Variants in SH3GL2 observed in about 807,000 individuals in gnomAD.
The protein encoded by SH3GL2 is endophilin-A1.
In SH3GL2, 24 loss-of-function variants were observed where a neutral mutation model predicts 46.0. The ratio of observed to expected loss-of-function variants is 0.52; its 90% confidence interval spans 0.38 to 0.73. SH3GL2 has a LOEUF of 0.73. Ranked by LOEUF, SH3GL2 falls within the 30% of genes least tolerant of loss-of-function variation. SH3GL2 has a pLI of 0.00. For synonymous variants in SH3GL2, 196 were observed against 147.1 expected (o/e 1.33, Z -2.40); for missense variants, 413 against 424.2 (o/e 0.97, Z 0.23).
chr9:17,599,716 C>A (rs1485430060), intron 1 of SH3GL2, among the ~76,000 whole-genome samples: 1 of 152,094 alleles, frequency 6.6e-6, no homozygotes, highest in Non-Finnish European at 1.5e-5. Flanking sequence ...GTAGCATGAA[C>A]CCATATGTAA....
chr9:17,698,423 A>G (rs1821262298), intron 1 of SH3GL2, among the ~76,000 whole-genome samples: 1 of 152,208 alleles, frequency 6.6e-6, no homozygotes, highest in South Asian at 2.1e-4. Context: ...ATATCTCGGT[A>G]TCTGGCATGT....
intron 1 of SH3GL2, among the ~76,000 whole-genome samples, chr9:17,746,747 T>C (rs1822699821): frequency 6.6e-6 from 1 of 152,202 alleles, no homozygotes; most frequent in African/African-American, 2.4e-5. Flanking sequence ...GATGCTGTTG[T>C]CCCTTAGAAC....
At chr9:17,612,726 G>C (rs1024070863) in intron 1 of SH3GL2, among the ~76,000 whole-genome samples, 1 of 152,136 alleles carries the variant, frequency 6.6e-6, no homozygotes, top group African/African-American at 2.4e-5. Context: ...CCACTTATTG[G>C]TTTTAAGTGT....
At position 17,747,113 on chromosome 9, in the gene SH3GL2, T is replaced by C; in HGVS notation, c.93T>C (p.Asp31=). The change falls in exon 2 of 9, where the codon GAT becomes GAC. Residue 31 remains aspartate, a synonymous_variant. Transcript: ENST00000380607. ...VGGAEGTKLD[D]DFKEMERKVD... is the part of the protein sequence containing the mutation. Reference sequence around the variant, plus strand: ...GAGCTGAAGGAACCAAGCTAGATGATGACTTCAAAGAGATGGAAAGGGTAA... The same window carrying C: ...GAGCTGAAGGAACCAAGCTAGATGACGACTTCAAAGAGATGGAAAGGGTAA... 2 of 1,609,338 alleles carry C rather than the reference T, an allele frequency of 1.2e-6. No individual in the cohort carries two copies. The highest frequency in any genetic ancestry group is 1.7e-5 in the Admixed American group (1 of 59,976).
chr9:17,582,991 G>A (rs995496417), intron 1 of SH3GL2, among the ~76,000 whole-genome samples: 1 of 152,148 alleles, frequency 6.6e-6, no homozygotes, highest in Non-Finnish European at 1.5e-5. Context: ...ACTCCAGTAT[G>A]ATTTTATCTT....
intron 2 of SH3GL2, among the ~76,000 whole-genome samples, chr9:17,751,862 G>A (rs948095264): frequency 6.6e-6 from 1 of 152,088 alleles, no homozygotes; most frequent in Non-Finnish European, 1.5e-5. Flanking sequence ...CACCCCCCCG[G>A]TGTGGGGATG....
At chr9:17,622,986 G>GTTTCGTTTCCTTTCCTTTCCTTTCC (rs1819181801) in intron 1 of SH3GL2, among the ~76,000 whole-genome samples, 1 of 99,352 alleles carries the variant, frequency 1.0e-5, no homozygotes, top group Non-Finnish European at 2.0e-5. Context: ...GTTTCCTTTC[G>GTTTCGTTTCCTTTCCTTTCCTTTCC]TTTCCTTTCC....
intron 1 of SH3GL2, among the ~76,000 whole-genome samples, chr9:17,667,600 A>G (rs1820378437): frequency 6.6e-6 from 1 of 152,214 alleles, no homozygotes; most frequent in South Asian, 2.1e-4. Context: ...TTTGGCTATT[A>G]AGAATGATGC....
At chr9:17,732,780 C>T (rs1822218228) in intron 1 of SH3GL2, among the ~76,000 whole-genome samples, 1 of 152,012 alleles carries the variant, frequency 6.6e-6, no homozygotes, top group South Asian at 2.1e-4. Flanking sequence ...AGAAAATGTT[C>T]ACCAACAGCT....
At chr9:17,733,085 A>T (rs1822226598) in intron 1 of SH3GL2, among the ~76,000 whole-genome samples, 1 of 152,010 alleles carries the variant, frequency 6.6e-6, no homozygotes, top group African/African-American at 2.4e-5. Context: ...CTTCCCATCA[A>T]ATCATAAGTT....
intron 1 of SH3GL2, among the ~76,000 whole-genome samples, chr9:17,657,856 T>G (rs1325310615): frequency 6.6e-6 from 1 of 152,200 alleles, no homozygotes; most frequent in Non-Finnish European, 1.5e-5. Context: ...GATATTCTTA[T>G]AGCAGAAGAA....
intron 1 of SH3GL2, among the ~76,000 whole-genome samples, chr9:17,628,411 G>GGTGTGTGTGT (rs3084633): frequency 4.2e-5 from 6 of 143,666 alleles, no homozygotes; most frequent in Admixed American, 1.4e-4. Context: ...CTATATCTTG[G>GGTGTGTGTGT]GTGTGTGTGT....
intron 1 of SH3GL2, chr9:17,591,431 A>C (rs1309266811): frequency 6.6e-6 from 1 of 152,182 alleles, no homozygotes; most frequent in Non-Finnish European, 1.5e-5. Context: ...TAGCAGTCAG[A>C]GATTGTACCA....
intron 1 of SH3GL2, among the ~76,000 whole-genome samples, chr9:17,620,220 A>G (rs1005633061): frequency 6.6e-6 from 1 of 152,186 alleles, no homozygotes; most frequent in Non-Finnish European, 1.5e-5. Context: ...TCTGACCTGA[A>G]TCTTACTGGT....
intron 1 of SH3GL2, among the ~76,000 whole-genome samples, chr9:17,579,536 G>A (rs1375159181): frequency 1.3e-5 from 2 of 152,070 alleles, no homozygotes; most frequent in African/African-American, 4.8e-5. Context: ...GCCTGGTAGC[G>A]CTGCTCGCCG....
intron 1 of SH3GL2, among the ~76,000 whole-genome samples, chr9:17,655,945 C>G (rs893874174): frequency 6.6e-6 from 1 of 152,134 alleles, no homozygotes; most frequent in Non-Finnish European, 1.5e-5. Context: ...TTTTAAAGCC[C>G]AACTTGGCAC....
intron 1 of SH3GL2, among the ~76,000 whole-genome samples, chr9:17,619,693 T>A (rs940663075): frequency 3.3e-5 from 5 of 149,740 alleles, no homozygotes; most frequent in African/African-American, 1.3e-4. Flanking sequence ...AAAAATAAAA[T>A]AAAATAAGTG....
intron 1 of SH3GL2, among the ~76,000 whole-genome samples, chr9:17,744,940 C>T (rs1001529507): frequency 5.9e-5 from 9 of 152,138 alleles, no homozygotes; most frequent in African/African-American, 2.2e-4. Context: ...ACACCTCTAG[C>T]CTTGTGAGTC....
At chr9:17,754,396 G>T (rs1222806584) in intron 2 of SH3GL2, among the ~76,000 whole-genome samples, 1 of 152,010 alleles carries the variant, frequency 6.6e-6, no homozygotes, top group Non-Finnish European at 1.5e-5. Flanking sequence ...ACTTTTGGCC[G>T]GGTGCAGTGA....
Sources: gnomAD v4.1 joint callset for allele counts (sites outside exome capture counted in the v4.1 genomes callset) on GRCh38, gnomAD v4.1.1 for gene constraint, MANE v1.5 for transcripts, NCBI Gene and HGNC (gene_info 2026-07-23, HGNC 2026-07-21) for gene names.